NCKAP5: variants seen among roughly 807,000 people sequenced by gnomAD.
The protein encoded by NCKAP5 is nck-associated protein 5.
NCKAP5 carries 92 observed loss-of-function variants against 167.0 expected under a neutral mutation model. The observed-to-expected ratio is 0.55, with a 90% CI of 0.47 to 0.66. The LOEUF (loss-of-function observed/expected upper bound fraction) is 0.66. Among genes scored for constraint, NCKAP5 ranks in the 30% least tolerant of loss-of-function variants. NCKAP5 has a pLI of 0.00. For missense variants in NCKAP5, 2,378 were observed against 2,315.0 expected, an observed-to-expected ratio of 1.03 and a Z score of -0.56; for synonymous variants, 891 against 877.4, an observed-to-expected ratio of 1.02 and a Z score of -0.27.
intron 1 of NCKAP5, among the ~76,000 whole-genome samples, chr2:133,559,681 C>G (rs115505463): frequency 6.8e-4 from 104 of 152,112 alleles, no homozygotes; most frequent in African/African-American, 2.3e-3. Context: ...AAATAACTTG[C>G]CCAAAGTCAG....
chr2:132,719,924 G>A (rs1689749724), intron 19 of NCKAP5, among the ~76,000 whole-genome samples: 1 of 152,214 alleles, frequency 6.6e-6, no homozygotes, highest in African/African-American at 2.4e-5. Context: ...GTTTCCTCTT[G>A]GGGTGTCTGG....
rs568979237 is a variant in NCKAP5, at chr2:132,831,313, C to T, written c.807+29179G>A. Among the ~76,000 whole-genome samples the T allele has an allele frequency of 2.0e-5, 3 of 152,274 alleles. 1 individual carries two copies. The South Asian group carries it at 6.2e-4, about 32-fold the overall frequency. On this transcript the variant is annotated intron_variant, in intron 11 of 19. Coordinates refer to ENST00000409261, the MANE Select transcript of NCKAP5 (RefSeq NM_207363.3). The stretch of plus-strand genomic sequence containing the variant: ...ACAAGCATTTCTGCAGAAGAGATAT[C>T]AAGAACTGGCATTTCTGGGGCTGAT...
intron 8 of NCKAP5, 54 bp downstream of exon 8, chr2:132,963,666 A>G: frequency 6.4e-7 from 1 of 1,566,734 alleles, no homozygotes; most frequent in Non-Finnish European, 8.7e-7. Flanking sequence ...CCAATAAAAG[A>G]AGCAGAATAC....
At chr2:133,616,884 C>T in the NCKAP5 span, among the ~76,000 whole-genome samples, 1 of 152,150 alleles carries the variant, frequency 6.6e-6, no homozygotes, top group Non-Finnish European at 1.5e-5. Context: ...CTTGATGAAC[C>T]TTGATGTGAA....
intron 13 of NCKAP5, among the ~76,000 whole-genome samples, 191 bp downstream of exon 13, chr2:132,789,832 C>T (rs959466849): frequency 4.6e-5 from 7 of 152,118 alleles, no homozygotes; most frequent in Non-Finnish European, 8.8e-5. Context: ...CCACGCTGCC[C>T]TCCAATTTAT....
At chr2:132,719,164 T>C (rs1689668119) in intron 19 of NCKAP5, among the ~76,000 whole-genome samples, 1 of 151,828 alleles carries the variant, frequency 6.6e-6, no homozygotes, top group Non-Finnish European at 1.5e-5. Flanking sequence ...AAACAAGGTA[T>C]AAAGTACAAG....
intron 7 of NCKAP5, among the ~76,000 whole-genome samples, chr2:132,976,234 C>T (rs1286191292): frequency 1.3e-5 from 2 of 151,910 alleles, no homozygotes; most frequent in Non-Finnish European, 1.5e-5. Context: ...GTGGAAGCAG[C>T]GGTTGAGGAG....
chr2:132,792,942 C>G (rs907478841), intron 12 of NCKAP5, among the ~76,000 whole-genome samples: 8 of 152,172 alleles, frequency 5.3e-5, no homozygotes, highest in Non-Finnish European at 1.0e-4. Flanking sequence ...AGAAGATGGG[C>G]TGGAGTGAGA....
At chr2:133,130,233 A>G in intron 5 of NCKAP5, 122 bp from the exon 6 acceptor site, 1 of 1,053,260 alleles carries the variant, frequency 9.5e-7, no homozygotes, top group Non-Finnish European at 1.3e-6. Context: ...GAACAACCCC[A>G]CGAAGTAGGT....
chr2:132,687,861 C>A (rs1208022535), intron 19 of NCKAP5, among the ~76,000 whole-genome samples: 2 of 151,980 alleles, frequency 1.3e-5, no homozygotes, highest in African/African-American at 4.8e-5. Context: ...ATATTTTGGT[C>A]TCTTGGTCAG....
chr2:132,967,162 T>TACACACAC (rs149896546), intron 7 of NCKAP5, among the ~76,000 whole-genome samples: 20 of 141,840 alleles, frequency 1.4e-4, no homozygotes, highest in African/African-American at 3.6e-4. Flanking sequence ...TGCCCTATCG[T>TACACACAC]ACACACACAC....
intron 8 of NCKAP5, among the ~76,000 whole-genome samples, chr2:132,947,606 T>C (rs1449484596): frequency 1.9e-4 from 29 of 152,118 alleles, no homozygotes; most frequent in Non-Finnish European, 2.9e-5. Flanking sequence ...GTATGTGAAA[T>C]CTACTGCCTG....
chr2:132,719,682 C>T (rs1400546756), intron 19 of NCKAP5, among the ~76,000 whole-genome samples: 1 of 152,194 alleles, frequency 6.6e-6, no homozygotes, highest in African/African-American at 2.4e-5. Context: ...GGGGCCAAGG[C>T]CGAGGCAGTG....
At chr2:133,620,032 T>C in the NCKAP5 span, among the ~76,000 whole-genome samples, 1 of 152,126 alleles carries the variant, frequency 6.6e-6, no homozygotes, top group Admixed American at 6.6e-5. Flanking sequence ...GATGCAGTCT[T>C]TTCCAGACAA....
rs948212607 is a variant in NCKAP5, at chr2:132,767,502, T to C, written c.5128+6314A>G. Reference sequence around the variant, plus strand: ...CTTAGGTTATCCACCCGCCTTGGCCTCCTAGTGCTGGGATTACAGGCGTGA... The same window carrying C: ...CTTAGGTTATCCACCCGCCTTGGCCCCCTAGTGCTGGGATTACAGGCGTGA... On this transcript the variant is annotated intron_variant, in intron 16 of 19. Transcript: ENST00000409261. 2.6e-5 allele frequency among the ~76,000 whole-genome samples: 4 copies of C among 152,154 alleles called. No individual in the cohort carries two copies. In the South Asian group the frequency reaches 8.3e-4, roughly 32 times the overall value.
At chr2:132,798,295 C>T (rs372209481) in intron 11 of NCKAP5, among the ~76,000 whole-genome samples, 248 of 152,258 alleles carry the variant, frequency 1.6e-3, no homozygotes, top group African/African-American at 5.3e-3. Flanking sequence ...ATACATCATA[C>T]TTAGTAAGCA....
At chr2:133,350,582 G>T (rs983433274) in intron 3 of NCKAP5, among the ~76,000 whole-genome samples, 1 of 152,148 alleles carries the variant, frequency 6.6e-6, no homozygotes, top group Non-Finnish European at 1.5e-5. Flanking sequence ...GGCCAAGACA[G>T]TTCTGTTTCC....
chr2:132,776,224 C>T (rs1004771510), intron 15 of NCKAP5, among the ~76,000 whole-genome samples: 8 of 152,158 alleles, frequency 5.3e-5, no homozygotes, highest in Non-Finnish European at 1.2e-4. Flanking sequence ...GGCAATATTC[C>T]AAGTATCCAT....
intron 6 of NCKAP5, among the ~76,000 whole-genome samples, chr2:133,051,098 G>T (rs2079589989): frequency 6.6e-6 from 1 of 152,070 alleles, no homozygotes; most frequent in Non-Finnish European, 1.5e-5. Context: ...GGTTGTTCAA[G>T]ATCAGATGTT....
Sources: gnomAD v4.1 joint callset for allele counts (sites outside exome capture counted in the v4.1 genomes callset) on GRCh38, gnomAD v4.1.1 for gene constraint, MANE v1.5 for transcripts, NCBI Gene and HGNC (gene_info 2026-07-23, HGNC 2026-07-21) for gene names.